Variants in TCF12 observed in about 807,000 individuals in gnomAD.
TCF12 encodes transcription factor 12.
In TCF12, 45 loss-of-function variants were observed where a neutral mutation model predicts 86.0. The ratio of observed to expected loss-of-function variants is 0.52; its 90% CI spans 0.41 to 0.67. The LOEUF is 0.67. TCF12 is among the 30% of genes least tolerant of loss of function. The pLI is 0.00. For missense variants in TCF12, 881 were observed against 859.9 expected, an observed-to-expected ratio of 1.02 and a Z score of -0.31; for synonymous variants, 330 against 299.6, an observed-to-expected ratio of 1.10 and a Z score of -1.05.
intron 6 of TCF12, among the ~76,000 whole-genome samples, chr15:57,168,175 C>T (rs2055040372): frequency 6.6e-6 from 1 of 152,130 alleles, no homozygotes; most frequent in African/African-American, 2.4e-5. Flanking sequence ...ACAAGCAAAA[C>T]AATGGCCATC....
intron 3 of TCF12, among the ~76,000 whole-genome samples, chr15:57,052,582 A>G (rs1411221977): frequency 2.7e-5 from 4 of 150,754 alleles, no homozygotes; most frequent in Non-Finnish European, 5.9e-5. Context: ...GGTTGCAGTG[A>G]GCCGAGATTG....
At chr15:57,131,011 A>C (rs1168611640) in intron 5 of TCF12, among the ~76,000 whole-genome samples, 1 of 152,132 alleles carries the variant, frequency 6.6e-6, no homozygotes, top group African/African-American at 2.4e-5. Flanking sequence ...TTCTGTATTC[A>C]TAGTAGTTAA....
chr15:57,250,475 T>C (rs2060057028), intron 13 of TCF12, among the ~76,000 whole-genome samples: 1 of 152,188 alleles, frequency 6.6e-6, no homozygotes, highest in African/African-American at 2.4e-5. Context: ...GCACCTGTAA[T>C]TCCACCACTT....
chr15:57,174,522 C>T (rs1294681838), intron 6 of TCF12, among the ~76,000 whole-genome samples: 2 of 152,102 alleles, frequency 1.3e-5, no homozygotes, highest in South Asian at 2.1e-4. Flanking sequence ...TTTTTGTTCT[C>T]ATCATTTTAT....
intron 3 of TCF12, among the ~76,000 whole-genome samples, chr15:56,977,740 A>C (rs1367933671): frequency 6.6e-6 from 1 of 152,210 alleles, no homozygotes; most frequent in African/African-American, 2.4e-5. Context: ...AGTATTGGCT[A>C]AACGTTAGAA....
chr15:57,006,429 C>G (rs995575425), intron 3 of TCF12, among the ~76,000 whole-genome samples: 1 of 151,820 alleles, frequency 6.6e-6, no homozygotes, highest in Non-Finnish European at 1.5e-5. Context: ...CTCAGCCTCC[C>G]GAGTAGCTGG....
At chr15:57,205,417 A>T (rs375355846) in intron 8 of TCF12, among the ~76,000 whole-genome samples, 1 of 152,260 alleles carries the variant, frequency 6.6e-6, no homozygotes. Context: ...GCTGAACTTC[A>T]TGAGTAAACC....
chr15:56,937,799 T>C (rs1043883097), intron 3 of TCF12, among the ~76,000 whole-genome samples: 6 of 152,184 alleles, frequency 3.9e-5, no homozygotes, highest in Admixed American at 2.0e-4. Flanking sequence ...CATCTGCATC[T>C]ATCAAGATGA....
At chr15:57,105,131 C>T (rs2050054651) in intron 5 of TCF12, among the ~76,000 whole-genome samples, 1 of 150,224 alleles carries the variant, frequency 6.7e-6, no homozygotes, top group Admixed American at 6.6e-5. Context: ...ACCCTGGCCT[C>T]CCAAAGTGCT....
intron 16 of TCF12, among the ~76,000 whole-genome samples, chr15:57,258,688 G>A (rs2060456502): frequency 2.0e-5 from 3 of 152,274 alleles, no homozygotes; most frequent in Non-Finnish European, 2.9e-5. Flanking sequence ...GGTTGAAGAA[G>A]TGACATATTC....
intron 3 of TCF12, among the ~76,000 whole-genome samples, chr15:56,921,516 A>G (rs2059792011): frequency 6.6e-6 from 1 of 152,092 alleles, no homozygotes; most frequent in South Asian, 2.1e-4. Context: ...ATTTTAAAAC[A>G]TCCCATTTTT....
intron 17 of TCF12, among the ~76,000 whole-genome samples, chr15:57,262,505 T>C (rs1334018564): frequency 6.6e-6 from 1 of 152,202 alleles, no homozygotes; most frequent in Non-Finnish European, 1.5e-5. Flanking sequence ...CTCATGAGTG[T>C]ATCTTCATGG....
At chr15:57,005,257 TC>T (rs2064285600) in intron 3 of TCF12, among the ~76,000 whole-genome samples, 1 of 152,238 alleles carries the variant, frequency 6.6e-6, no homozygotes, top group African/African-American at 2.4e-5. Flanking sequence ...TAAATTGATT[TC>T]CTTAGCATAC....
chr15:57,189,816 A>G (rs1383211147), intron 6 of TCF12, among the ~76,000 whole-genome samples: 1 of 129,324 alleles, frequency 7.7e-6, no homozygotes, highest in African/African-American at 2.4e-5. Flanking sequence ...CAGTAGTTAA[A>G]AGCTGGAAAC....
chr15:57,133,887 G>A (rs2052331962), intron 5 of TCF12, among the ~76,000 whole-genome samples: 1 of 152,050 alleles, frequency 6.6e-6, no homozygotes, highest in Non-Finnish European at 1.5e-5. Flanking sequence ...TTTCTAATTT[G>A]TGCAAGTTTA....
chr15:57,265,166 T>G (rs1451364418), intron 18 of TCF12, among the ~76,000 whole-genome samples: 1 of 151,766 alleles, frequency 6.6e-6, no homozygotes, highest in Non-Finnish European at 1.5e-5. Flanking sequence ...TAATTAGTTA[T>G]TATTATTATC....
chr15:57,124,182 C>A (rs2051461573), intron 5 of TCF12, among the ~76,000 whole-genome samples: 1 of 151,992 alleles, frequency 6.6e-6, no homozygotes, highest in Admixed American at 6.6e-5. Flanking sequence ...CTGTTCATGG[C>A]AAATGCTGCT....
chr15:57,248,562 GA>G (rs1191920105), intron 13 of TCF12, among the ~76,000 whole-genome samples: 1 of 151,864 alleles, frequency 6.6e-6, no homozygotes. Flanking sequence ...AGCTTTCACA[GA>G]AAAAAATAAT....
intron 6 of TCF12, among the ~76,000 whole-genome samples, chr15:57,185,663 ATCACTTGAGGCCAAT>A (rs1473626645): frequency 6.6e-6 from 1 of 152,208 alleles, no homozygotes; most frequent in Non-Finnish European, 1.5e-5. Context: ...AGGCAGGAGG[ATCACTTGAGGCCAAT>A]TCAAGACCAA....
Sources: gnomAD v4.1 joint callset for allele counts (sites outside exome capture counted in the v4.1 genomes callset) on GRCh38, gnomAD v4.1.1 for gene constraint, MANE v1.5 for transcripts, NCBI Gene and HGNC (gene_info 2026-07-23, HGNC 2026-07-21) for gene names.